Variants in LRRC4C observed in about 807,000 individuals in gnomAD.
LRRC4C encodes leucine rich repeat containing 4C.
A neutral mutation model predicts 33.6 loss-of-function variants in LRRC4C; 5 were observed. The ratio of observed to expected loss-of-function variants is 0.15; its 90% CI spans 0.08 to 0.31. The LOEUF is 0.31. LRRC4C is among the 10% of genes least tolerant of loss of function. The pLI is 1.00. For missense variants in LRRC4C, 560 were observed against 796.7 expected (o/e 0.70, Z 3.58); for synonymous variants, 329 against 302.0 (o/e 1.09, Z -0.93).
intron 1 of LRRC4C, among the ~76,000 whole-genome samples, chr11:41,312,663 G>A (rs1369261500): frequency 1.3e-5 from 2 of 152,140 alleles, no homozygotes; most frequent in Non-Finnish European, 2.9e-5. Flanking sequence ...TGGATCATAA[G>A]GAAACAGTAG....
intron 2 of LRRC4C, among the ~76,000 whole-genome samples, chr11:40,760,273 AT>A (rs1451295764): frequency 6.6e-6 from 1 of 152,130 alleles, no homozygotes; most frequent in Non-Finnish European, 1.5e-5. Context: ...ATAACATTTT[AT>A]TATAAAACAA....
chr11:41,163,281 A>ATTTTTTTTTTTTTT (rs1944553967), intron 1 of LRRC4C, among the ~76,000 whole-genome samples: 1 of 23,770 alleles, frequency 4.2e-5, no homozygotes, highest in African/African-American at 8.9e-5. Context: ...GTTTACTGTA[A>ATTTTTTTTTTTTTT]CTGTTTTTTT....
intron 5 of LRRC4C, among the ~76,000 whole-genome samples, chr11:40,156,884 C>T (rs1201856691): frequency 1.3e-5 from 2 of 151,970 alleles, no homozygotes; most frequent in African/African-American, 2.4e-5. Flanking sequence ...CAAAATACCA[C>T]ACAATTTTTT....
At chr11:40,321,613 T>C (rs2136858686) in intron 3 of LRRC4C, among the ~76,000 whole-genome samples, 1 of 152,338 alleles carries the variant, frequency 6.6e-6, no homozygotes, top group African/African-American at 2.4e-5. Flanking sequence ...CCTATACTTT[T>C]TCTTACTATG....
Position 40,599,794 on chromosome 11 carries a change from GT to G in LRRC4C, c.-270+48347del, listed in dbSNP as rs565882766. On this transcript the variant is annotated intron_variant, in intron 3 of 6. Transcript: ENST00000528697. The stretch of plus-strand genomic sequence containing the variant: ...CAAAAGGACAAGCTGGGTTTATCAA[GT>G]TAGAATGGTAGATAGAGATGTAGGA... Among the ~76,000 whole-genome samples, 287 of 152,336 alleles carry G rather than the reference GT, an allele frequency of 1.9e-3. 3 individuals are homozygous for G. The highest frequency in any genetic ancestry group is 6.7e-3 in the African/African-American group (279 of 41,578).
intron 1 of LRRC4C, among the ~76,000 whole-genome samples, chr11:41,448,271 T>C (rs1955902344): frequency 6.6e-6 from 1 of 150,604 alleles, no homozygotes; most frequent in African/African-American, 2.4e-5. Context: ...AATTTCAGGA[T>C]AGAACTTAGC....
intron 5 of LRRC4C, among the ~76,000 whole-genome samples, chr11:40,144,894 G>T (rs973436224): frequency 6.6e-6 from 1 of 152,136 alleles, no homozygotes; most frequent in African/African-American, 2.4e-5. Context: ...TACATTTATA[G>T]AGACTCACTC....
chr11:40,379,637 TC>T (rs1200375076), intron 3 of LRRC4C, among the ~76,000 whole-genome samples: 1 of 152,234 alleles, frequency 6.6e-6, no homozygotes, highest in African/African-American at 2.4e-5. Context: ...TTTTCTGATA[TC>T]CCCTTCTTTC....
At chr11:40,801,193 T>C (rs1386024032) in intron 2 of LRRC4C, among the ~76,000 whole-genome samples, 1 of 152,162 alleles carries the variant, frequency 6.6e-6, no homozygotes, top group Non-Finnish European at 1.5e-5. Context: ...AATTACTTAT[T>C]TATATTTTGC....
chr11:40,868,535 C>T (rs944018509), intron 2 of LRRC4C, among the ~76,000 whole-genome samples: 1 of 152,010 alleles, frequency 6.6e-6, no homozygotes, highest in Non-Finnish European at 1.5e-5. Context: ...TCTCTAAAGC[C>T]CTGAACCCAA....
At chr11:40,254,367 G>A (rs1293375851) in intron 4 of LRRC4C, among the ~76,000 whole-genome samples, 1 of 152,222 alleles carries the variant, frequency 6.6e-6, no homozygotes, top group Non-Finnish European at 1.5e-5. Context: ...TGATGCCATA[G>A]ATTGTGGAGG....
chr11:40,889,366 C>A (rs1419031853), intron 2 of LRRC4C, among the ~76,000 whole-genome samples: 1 of 152,036 alleles, frequency 6.6e-6, no homozygotes, highest in East Asian at 1.9e-4. Context: ...TTTATATCTG[C>A]ATGCAAATAT....
intron 2 of LRRC4C, among the ~76,000 whole-genome samples, chr11:40,845,123 A>G (rs1221934574): frequency 6.6e-6 from 1 of 151,662 alleles, no homozygotes; most frequent in Non-Finnish European, 1.5e-5. Flanking sequence ...TTTTTTCATA[A>G]TCTCTTTTTT....
At chr11:40,172,100 T>C (rs1314177256) in intron 5 of LRRC4C, among the ~76,000 whole-genome samples, 1 of 152,180 alleles carries the variant, frequency 6.6e-6, no homozygotes, top group East Asian at 1.9e-4. Context: ...CTTCACTTTT[T>C]TGCTCTTCTG....
chr11:40,856,828 G>A (rs1953806811), intron 2 of LRRC4C, among the ~76,000 whole-genome samples: 1 of 152,172 alleles, frequency 6.6e-6, no homozygotes, highest in Admixed American at 6.5e-5. Context: ...ATTAACTAAA[G>A]CTGACAATCA....
intron 3 of LRRC4C, among the ~76,000 whole-genome samples, chr11:40,435,110 A>T (rs1373284961): frequency 6.6e-6 from 1 of 152,122 alleles, no homozygotes; most frequent in Non-Finnish European, 1.5e-5. Flanking sequence ...AATATCTGGG[A>T]CACCACCACC....
intron 2 of LRRC4C, among the ~76,000 whole-genome samples, chr11:40,919,703 G>A (rs1957096982): frequency 6.6e-6 from 1 of 152,018 alleles, no homozygotes. Context: ...TTCCCATAAA[G>A]CAAACATTAA....
At chr11:40,969,915 G>A (rs1293954418) in intron 1 of LRRC4C, among the ~76,000 whole-genome samples, 3 of 152,152 alleles carry the variant, frequency 2.0e-5, no homozygotes, top group African/African-American at 7.2e-5. Context: ...TATCCTGTGA[G>A]ATGGGCGGTG....
intron 2 of LRRC4C, among the ~76,000 whole-genome samples, chr11:40,761,973 C>A (rs1016836831): frequency 1.3e-5 from 2 of 152,106 alleles, no homozygotes; most frequent in African/African-American, 4.8e-5. Context: ...TTCCATTTTT[C>A]TGTAGGTTAC....
Sources: gnomAD v4.1 joint callset for allele counts (sites outside exome capture counted in the v4.1 genomes callset) on GRCh38, gnomAD v4.1.1 for gene constraint, MANE v1.5 for transcripts, NCBI Gene and HGNC (gene_info 2026-07-23, HGNC 2026-07-21) for gene names.